Variants in ARHGEF33 observed in about 807,000 individuals in gnomAD.
The protein encoded by ARHGEF33 is DH and coiled-coil domain-containing protein ENSP00000381780.
ARHGEF33 carries 72 observed loss-of-function variants against 101.9 expected under a neutral mutation model. That is an observed-to-expected ratio of 0.71 (90% CI 0.58 to 0.86). The LOEUF (loss-of-function observed/expected upper bound fraction) is 0.86, where lower values mean the gene tolerates loss of function less well. Among genes scored for constraint, ARHGEF33 ranks in the 40% least tolerant of loss-of-function variants. The pLI, the probability that ARHGEF33 is intolerant of heterozygous loss-of-function variation, is 0.00. For synonymous variants in ARHGEF33, 499 were observed against 442.5 expected, an observed-to-expected ratio of 1.13 and a Z score of -1.60; for missense variants, 1,169 against 1,111.3, an observed-to-expected ratio of 1.05 and a Z score of -0.74.
rs931821786 is a variant in ARHGEF33, at chr2:38,973,752, A to C, written c.2522A>C (p.Asn841Thr). The change falls in exon 18 of 18, where the codon AAT becomes ACT. Residue 841 changes from asparagine to threonine, a missense_variant. Asn to Thr is a moderately conservative substitution (Grantham distance 65, BLOSUM62 0). Coordinates refer to ENST00000409978, the MANE Select transcript of ARHGEF33 (RefSeq NM_001145451.5). ...GSEYREKTNE[N>T]PSMDPSPTKQ... ...GAATACAGGGAAAAAACTAATGAGAATCCCTCAATGGATCCTTCACCCACC... is the reference window on the plus strand; with the variant it reads ...GAATACAGGGAAAAAACTAATGAGACTCCCTCAATGGATCCTTCACCCACC... 1 of 1,546,030 alleles carries C rather than the reference A, an allele frequency of 6.5e-7. No individual in the cohort carries two copies. Among genetic ancestry groups the C allele is most frequent in the Non-Finnish European group, 8.7e-7 (1 of 1,144,764 alleles).
intron 4 of ARHGEF33, 137 bp from the exon 5 acceptor site, chr2:38,928,770 A>T (rs1558431103): frequency 5.4e-6 from 4 of 741,156 alleles, no homozygotes; most frequent in East Asian, 5.8e-5. Context: ...AAGTTGTCCA[A>T]AGTGAAGTAC....
chr2:38,933,347 C>A (rs1667051016), intron 7 of ARHGEF33, among the ~76,000 whole-genome samples: 1 of 152,054 alleles, frequency 6.6e-6, no homozygotes, highest in South Asian at 2.1e-4. Flanking sequence ...TAAAAGAACG[C>A]TCAATACAGA....
intron 2 of ARHGEF33, among the ~76,000 whole-genome samples, chr2:38,898,317 G>A (rs146945872): frequency 3.3e-5 from 5 of 152,280 alleles, no homozygotes; most frequent in East Asian, 3.9e-4. Flanking sequence ...AAACGGGTGC[G>A]TGTCAAACAC....
intron 10 of ARHGEF33, among the ~76,000 whole-genome samples, chr2:38,948,224 GCTGT>G (rs1441912416): frequency 6.6e-6 from 1 of 152,160 alleles, no homozygotes; most frequent in Non-Finnish European, 1.5e-5. Context: ...TTCTCCCTTT[GCTGT>G]CTGTCTTCTG....
intron 4 of ARHGEF33, 150 bp from the exon 5 acceptor site, chr2:38,928,757 C>T (rs1666929073): frequency 1.6e-6 from 1 of 637,918 alleles, no homozygotes; most frequent in African/African-American, 1.9e-5. Context: ...CCAGGGTTGT[C>T]TTAAGTTGTC....
intron 2 of ARHGEF33, among the ~76,000 whole-genome samples, chr2:38,913,147 C>G (rs929386297): frequency 2.2e-4 from 33 of 151,398 alleles, no homozygotes; most frequent in African/African-American, 7.8e-4. Flanking sequence ...AATGATCCTT[C>G]CGCCACAGCC....
intron 15 of ARHGEF33, among the ~76,000 whole-genome samples, chr2:38,959,088 AC>A (rs1387940897): frequency 3.9e-5 from 6 of 152,244 alleles, no homozygotes; most frequent in African/African-American, 1.4e-4. Context: ...GTGTCCACTT[AC>A]ATCTGTCAAT....
chr2:38,968,593 G>T (rs897428650), intron 17 of ARHGEF33, among the ~76,000 whole-genome samples: 2 of 152,158 alleles, frequency 1.3e-5, no homozygotes, highest in African/African-American at 4.8e-5. Flanking sequence ...GGCTGTTCGG[G>T]ATTCTCCTTA....
rs1668236392 is a variant in ARHGEF33, at chr2:38,974,597, G to C, written c.*754G>C. On this transcript the variant is annotated 3_prime_UTR_variant, in exon 18 of 18. Transcript: ENST00000409978. ...TGAGGATGGAAACAGTCCAGTCTGT[G>C]TTTTATTGAGTACTCAGTATTCAAG... 1 of 152,208 alleles carries C rather than the reference G, an allele frequency of 6.6e-6. No individual in the cohort carries two copies. Among genetic ancestry groups the C allele is most frequent in the Admixed American group, 6.5e-5 (1 of 15,276 alleles). The allele number at this position is 152,208 out of a possible 1,614,324, so 9.4% of individuals were successfully genotyped here.
chr2:38,963,374 G>C (rs1667988499), intron 16 of ARHGEF33, among the ~76,000 whole-genome samples: 1 of 152,106 alleles, frequency 6.6e-6, no homozygotes, highest in African/African-American at 2.4e-5. Flanking sequence ...GTCTCTTTTA[G>C]AGTCAAGAAA....
chr2:38,901,752 A>C (rs888560780), intron 2 of ARHGEF33, among the ~76,000 whole-genome samples: 2 of 152,158 alleles, frequency 1.3e-5, no homozygotes, highest in Non-Finnish European at 2.9e-5. Flanking sequence ...TATTTAAATC[A>C]TGGACTTGGG....
intron 14 of ARHGEF33, 82 bp downstream of exon 14, chr2:38,957,129 A>G (rs921279376): frequency 9.5e-6 from 14 of 1,479,658 alleles, no homozygotes; most frequent in Non-Finnish European, 1.3e-5. Flanking sequence ...TTGTGTGTTA[A>G]GTACCTGAAA....
intron 2 of ARHGEF33, among the ~76,000 whole-genome samples, chr2:38,918,475 A>G (rs1421403672): frequency 6.6e-6 from 1 of 152,176 alleles, no homozygotes; most frequent in Non-Finnish European, 1.5e-5. Flanking sequence ...AGGCAGGGGA[A>G]TTCTTCAAAC....
intron 10 of ARHGEF33, among the ~76,000 whole-genome samples, chr2:38,949,441 AC>A (rs2124410064): frequency 6.7e-6 from 1 of 149,984 alleles, no homozygotes; most frequent in African/African-American, 2.5e-5. Context: ...TAATCACATC[AC>A]TCTTACCCAG....
intron 17 of ARHGEF33, among the ~76,000 whole-genome samples, chr2:38,968,647 A>C (rs948377083): frequency 6.6e-6 from 1 of 152,188 alleles, no homozygotes; most frequent in Non-Finnish European, 1.5e-5. Context: ...GTCCTTTCTC[A>C]TAGATCAGTC....
Position 38,954,429 on chromosome 2 carries a change from C to T in ARHGEF33, c.1194C>T (p.Arg398=). ...IYTLFFHIVQ[R]IPEYLIHLQN... The stretch of plus-strand genomic sequence containing the variant: ...CGTTGTTTTTTCACATAGTCCAGCG[C>T]ATCCCTGAATATCTGATACATCTGC... Residue 398 remains arginine (R), a synonymous_variant, in exon 13 of 18, where the codon CGC becomes CGT. Transcript: ENST00000409978. 1 of 1,550,700 alleles carries T rather than the reference C, an allele frequency of 6.4e-7. No individual in the cohort carries two copies. Among genetic ancestry groups the T allele is most frequent in the East Asian group, 2.4e-5 (1 of 40,922 alleles).
At chr2:38,949,817 C>A (rs1013962723) in intron 10 of ARHGEF33, among the ~76,000 whole-genome samples, 1 of 152,156 alleles carries the variant, frequency 6.6e-6, no homozygotes, top group African/African-American at 2.4e-5. Flanking sequence ...AGGAAACTTA[C>A]AATTATGGTG....
intron 3 of ARHGEF33, among the ~76,000 whole-genome samples, chr2:38,921,134 T>C (rs191269357): frequency 9.2e-5 from 14 of 152,334 alleles, no homozygotes; most frequent in African/African-American, 3.1e-4. Context: ...TTCCCTACTG[T>C]AGTAGAACGT....
intron 1 of ARHGEF33, among the ~76,000 whole-genome samples, chr2:38,891,957 A>G (rs1360798955): frequency 6.6e-6 from 1 of 152,198 alleles, no homozygotes; most frequent in Non-Finnish European, 1.5e-5. Context: ...TATTACAGAG[A>G]GCACTCTTCT....
Sources: gnomAD v4.1 joint callset for allele counts (sites outside exome capture counted in the v4.1 genomes callset) on GRCh38, gnomAD v4.1.1 for gene constraint, MANE v1.5 for transcripts, NCBI Gene and HGNC (gene_info 2026-07-23, HGNC 2026-07-21) for gene names.